HERC4: variants seen among roughly 807,000 people sequenced by gnomAD.
HERC4 encodes the protein probable E3 ubiquitin-protein ligase HERC4.
In HERC4, 28 loss-of-function variants were observed where a neutral mutation model predicts 124.3. The ratio of observed to expected loss-of-function variants is 0.23; its 90% CI spans 0.17 to 0.31. HERC4 has a LOEUF of 0.31. Ranked by LOEUF, HERC4 falls within the 10% of genes least tolerant of loss-of-function variation. The pLI is 1.00. For synonymous variants in HERC4, 407 were observed against 421.5 expected, an observed-to-expected ratio of 0.97 and a Z score of 0.42; for missense variants, 713 against 1,229.3, an observed-to-expected ratio of 0.58 and a Z score of 6.28.
chr10:68,039,108 A>C (rs1373147941), intron 4 of HERC4, among the ~76,000 whole-genome samples: 1 of 150,280 alleles, frequency 6.7e-6, no homozygotes, highest in African/African-American at 2.5e-5. Flanking sequence ...GGAGTTTGAG[A>C]CCAGACTGGC....
intron 9 of HERC4, among the ~76,000 whole-genome samples, chr10:68,010,026 G>A (rs185201343): frequency 1.1e-4 from 16 of 152,124 alleles, no homozygotes; most frequent in South Asian, 2.1e-4. Flanking sequence ...GAGCATCACC[G>A]AACTTCACCT....
At chr10:68,004,865 A>G (rs1346769431) in intron 9 of HERC4, among the ~76,000 whole-genome samples, 1 of 152,068 alleles carries the variant, frequency 6.6e-6, no homozygotes, top group African/African-American at 2.4e-5. Flanking sequence ...TGATTCCATT[A>G]CCTCCACCGG....
At chr10:67,996,789 C>T (rs1272934781) in intron 9 of HERC4, among the ~76,000 whole-genome samples, 2 of 151,626 alleles carry the variant, frequency 1.3e-5, no homozygotes, top group Non-Finnish European at 2.9e-5. Context: ...TTGAGACATA[C>T]AGTGAAACCC....
chr10:67,949,511 T>A (rs1286093118), intron 19 of HERC4, among the ~76,000 whole-genome samples: 2 of 151,904 alleles, frequency 1.3e-5, no homozygotes, highest in Non-Finnish European at 2.9e-5. Flanking sequence ...CAAACAAAAA[T>A]CCAACCCTAC....
At position 67,932,615 on chromosome 10, in the gene HERC4, A is replaced by G; in HGVS notation, c.2820T>C (p.Asp940=). 2.5e-6 allele frequency: 4 copies of G among 1,609,998 alleles called. No homozygotes were observed. Among genetic ancestry groups the G allele is most frequent in the South Asian group, 1.1e-5 (1 of 89,856 alleles). The change falls in exon 23 of 25, where the codon GAT becomes GAC. Residue 940 remains aspartate (D), a synonymous_variant. Transcript: ENST00000373700. ...CCCCTACCTTTTCCAGTTCCTTCCA[A>G]TCATAATTTGTATTTCCAATGACCA... The part of the protein sequence containing the change: ...QAMVIGNTNY[D]WKELEKNTEY...
chr10:67,988,635 A>G (rs764728754), intron 15 of HERC4, 28 bp downstream of exon 15: 1 of 1,361,034 alleles, frequency 7.3e-7, no homozygotes. Context: ...ATGGGGAAAG[A>G]GGAAAATAAA....
At chr10:68,058,462 A>G (rs565560719) in intron 3 of HERC4, among the ~76,000 whole-genome samples, 13 of 152,350 alleles carry the variant, frequency 8.5e-5, no homozygotes, top group African/African-American at 2.6e-4. Flanking sequence ...AATATGAAAC[A>G]GCATAATACC....
Position 67,988,680 on chromosome 10 carries a change from A to G in HERC4, c.1789T>C (p.Leu597=), listed in dbSNP as rs2036394500. The G allele has an allele frequency of 6.3e-7, 1 of 1,580,664 alleles. No homozygotes were observed. ...NSFLHTALKV[L]EILHRVNEKM... is the part of the protein sequence containing the mutation. ...GGACATACCCTATGTAGTATTTCTA[A>G]AACCTTTAATGCAGTATGAAGAAAA... The change falls in exon 15 of 25, where the codon TTA becomes CTA. Residue 597 remains leucine (L), a synonymous_variant. Coordinates refer to ENST00000373700, the MANE Select transcript of HERC4 (RefSeq NM_015601.4).
intron 3 of HERC4, among the ~76,000 whole-genome samples, chr10:68,056,083 G>A (rs1304372591): frequency 1.3e-5 from 2 of 152,018 alleles, no homozygotes; most frequent in East Asian, 1.9e-4. Flanking sequence ...GGATGTCTAT[G>A]AACTGCTAAA....
At chr10:67,933,288 T>A (rs2032017021) in intron 22 of HERC4, among the ~76,000 whole-genome samples, 1 of 152,178 alleles carries the variant, frequency 6.6e-6, no homozygotes, top group South Asian at 2.1e-4. Context: ...AGCATTCTTT[T>A]AGGATAATCA....
rs145662584 is a variant in HERC4 at position 67,925,463 on chromosome 10, T to C, written c.2839-276A>G. Among the ~76,000 whole-genome samples, 8 of 152,322 alleles carry C rather than the reference T, an allele frequency of 5.3e-5. No homozygotes were observed. In the South Asian group the frequency reaches 1.5e-3, roughly 28 times the overall value. ...AGAGAAACTAGATAAAATAATGTTATAGGACCATCAAAAGTCTGACATGGA... is the reference window on the plus strand; with the variant it reads ...AGAGAAACTAGATAAAATAATGTTACAGGACCATCAAAAGTCTGACATGGA... On this transcript the variant is annotated intron_variant, in intron 23 of 24. Transcript: ENST00000373700.
At chr10:68,013,955 C>T in intron 9 of HERC4, 71 bp downstream of exon 9, 2 of 1,284,172 alleles carry the variant, frequency 1.6e-6, no homozygotes, top group Non-Finnish European at 2.1e-6. Flanking sequence ...CAGAAATCTT[C>T]ATGATTTAAG....
At chr10:68,011,354 A>G (rs1260154508) in intron 9 of HERC4, among the ~76,000 whole-genome samples, 1 of 152,236 alleles carries the variant, frequency 6.6e-6, no homozygotes, top group Non-Finnish European at 1.5e-5. Context: ...AAGGTTTTCA[A>G]TTTACTTTGC....
chr10:68,053,428 C>T (rs685634), intron 3 of HERC4, among the ~76,000 whole-genome samples: 80,621 of 151,486 alleles, frequency 0.53, 25,437 homozygotes, highest in African/African-American at 0.86. Context: ...TTCAGCCTCC[C>T]GAGTAGCTGG....
intron 15 of HERC4, among the ~76,000 whole-genome samples, chr10:67,981,168 GACAA>G (rs1169638200): frequency 1.3e-5 from 2 of 152,058 alleles, no homozygotes; most frequent in Non-Finnish European, 2.9e-5. Context: ...CACTTATAAA[GACAA>G]ACAGACTCAA....
chr10:67,972,447 G>C (rs1293274473), intron 15 of HERC4, among the ~76,000 whole-genome samples: 1 of 148,600 alleles, frequency 6.7e-6, no homozygotes, highest in Non-Finnish European at 1.5e-5. Flanking sequence ...CTTGAATCCG[G>C]GAGGCGGAGG....
intron 15 of HERC4, among the ~76,000 whole-genome samples, chr10:67,978,732 G>C (rs2035750570): frequency 6.6e-6 from 1 of 152,130 alleles, no homozygotes; most frequent in African/African-American, 2.4e-5. Context: ...TCGCCACAGG[G>C]GTGCTTGTGT....
At chr10:67,995,555 T>C (rs916407543) in intron 9 of HERC4, among the ~76,000 whole-genome samples, 1 of 151,600 alleles carries the variant, frequency 6.6e-6, no homozygotes, top group African/African-American at 2.4e-5. Context: ...GTCTTATTTA[T>C]CTATTAGCTG....
At chr10:67,972,396 C>T (rs1449953793) in intron 15 of HERC4, among the ~76,000 whole-genome samples, 1 of 151,258 alleles carries the variant, frequency 6.6e-6, no homozygotes, top group Non-Finnish European at 1.5e-5. Flanking sequence ...TGGTGCATGC[C>T]TGTAATCCCA....
Sources: gnomAD v4.1 joint callset for allele counts (sites outside exome capture counted in the v4.1 genomes callset) on GRCh38, gnomAD v4.1.1 for gene constraint, MANE v1.5 for transcripts, NCBI Gene and HGNC (gene_info 2026-07-23, HGNC 2026-07-21) for gene names.